The following LRP1B variants were observed in gnomAD, a reference collection of about 807,000 sequenced individuals.
The protein encoded by LRP1B is low-density lipoprotein receptor-related protein 1B.
A neutral mutation model predicts 556.6 loss-of-function variants in LRP1B; 217 were observed. The ratio of observed to expected loss-of-function variants is 0.39; its 90% CI spans 0.35 to 0.44. LRP1B has a LOEUF of 0.44. Among genes scored for constraint, LRP1B ranks in the 20% least tolerant of loss-of-function variants. The probability of loss-of-function intolerance (pLI) is 1.00; values close to 1 mark genes in which losing one functional copy is unlikely to be tolerated. For synonymous variants in LRP1B, 2,047 were observed against 1,865.8 expected, an observed-to-expected ratio of 1.10 and a Z score of -2.50; for missense variants, 5,053 against 5,620.8, an observed-to-expected ratio of 0.90 and a Z score of 3.23.
intron 1 of LRP1B, among the ~76,000 whole-genome samples, chr2:141,821,773 G>A (rs1696759645): frequency 2.6e-5 from 4 of 151,950 alleles, no homozygotes; most frequent in Admixed American, 2.6e-4. Context: ...AAGTGTTTTT[G>A]GAGCTGCAGA....
intron 2 of LRP1B, among the ~76,000 whole-genome samples, chr2:141,593,724 CAAAAAAAAAAAAAAAA>C (rs1175750978): frequency 7.6e-6 from 1 of 130,808 alleles, no homozygotes; most frequent in African/African-American, 3.8e-5. Context: ...GACTCCGTCT[CAAAAAAAAAAAAAAAA>C]AAAAAAAAAA....
chr2:141,411,127 C>G (rs1308718470), intron 3 of LRP1B, among the ~76,000 whole-genome samples: 2 of 151,852 alleles, frequency 1.3e-5, no homozygotes, highest in Admixed American at 1.3e-4. Context: ...GATAAGGAAA[C>G]AGAAGATGAA....
chr2:140,559,918 C>T (rs1680869133), intron 43 of LRP1B, among the ~76,000 whole-genome samples: 1 of 151,948 alleles, frequency 6.6e-6, no homozygotes, highest in Admixed American at 6.6e-5. Context: ...GAAACAAATG[C>T]TAAAATTAGT....
chr2:140,694,849 A>G (rs538970403), intron 41 of LRP1B, among the ~76,000 whole-genome samples: 9 of 152,200 alleles, frequency 5.9e-5, no homozygotes, highest in African/African-American at 1.4e-4. Flanking sequence ...TATTTTATCA[A>G]TAAAGATTAC....
chr2:140,611,294 C>G (rs1034967908), intron 41 of LRP1B, among the ~76,000 whole-genome samples: 11 of 152,100 alleles, frequency 7.2e-5, no homozygotes, highest in Non-Finnish European at 1.6e-4. Context: ...CTTACACTGT[C>G]TTTAAATTTT....
intron 1 of LRP1B, among the ~76,000 whole-genome samples, chr2:142,058,219 C>T (rs1704751854): frequency 6.6e-6 from 1 of 152,154 alleles, no homozygotes; most frequent in Non-Finnish European, 1.5e-5. Context: ...TTCTGCCCCA[C>T]TGATGAAGAC....
chr2:141,918,168 T>C (rs1700087806), intron 1 of LRP1B, among the ~76,000 whole-genome samples: 1 of 151,930 alleles, frequency 6.6e-6, no homozygotes, highest in Admixed American at 6.6e-5. Context: ...GAGTGAAAGA[T>C]ATGGTAGGAT....
intron 7 of LRP1B, among the ~76,000 whole-genome samples, chr2:141,116,715 A>G (rs559397734): frequency 2.4e-5 from 3 of 126,298 alleles, no homozygotes; most frequent in South Asian, 5.9e-4. Context: ...ACAGGCAGGA[A>G]CAGATCTGAA....
chr2:141,422,367 A>G (rs1282408277), intron 3 of LRP1B, among the ~76,000 whole-genome samples: 1 of 152,158 alleles, frequency 6.6e-6, no homozygotes, highest in African/African-American at 2.4e-5. Flanking sequence ...AACCAAAACC[A>G]TAAGTCAATA....
intron 47 of LRP1B, among the ~76,000 whole-genome samples, chr2:140,531,974 T>C (rs372066791): frequency 2.3e-4 from 35 of 152,228 alleles, no homozygotes; most frequent in African/African-American, 7.5e-4. Flanking sequence ...TTTGATGCAC[T>C]CTACTCATGC....
intron 3 of LRP1B, among the ~76,000 whole-genome samples, chr2:141,452,985 C>T (rs1164468169): frequency 6.6e-6 from 1 of 152,122 alleles, no homozygotes; most frequent in African/African-American, 2.4e-5. Context: ...CCTGTAATCC[C>T]AGCACTCTGG....
chr2:141,102,247 A>G (rs1700479425), intron 7 of LRP1B, among the ~76,000 whole-genome samples: 1 of 152,092 alleles, frequency 6.6e-6, no homozygotes, highest in African/African-American at 2.4e-5. Flanking sequence ...TACTTTGTAA[A>G]TCTCATATAA....
chr2:141,655,621 G>T (rs185867427), intron 2 of LRP1B, among the ~76,000 whole-genome samples: 2 of 152,118 alleles, frequency 1.3e-5, no homozygotes, highest in South Asian at 2.1e-4. Flanking sequence ...TATTAATGGG[G>T]TTATTGCTAC....
rs114912327 is a variant in LRP1B at position 140,697,560 on chromosome 2, G to A, written c.6799+2690C>T. 5.9e-3 allele frequency among the ~76,000 whole-genome samples: 892 copies of A among 151,934 alleles called. 8 individuals are homozygous for A. Among genetic ancestry groups the A allele is most frequent in the Non-Finnish European group, 9.6e-3 (655 of 67,936 alleles). On this transcript the variant is annotated intron_variant, in intron 41 of 90. Transcript: ENST00000389484. ...CCAAGTGTCCTTAAACAAATGACTGGATAAAAATATGTGGTATGTACATAC... is the reference window on the plus strand; with the variant it reads ...CCAAGTGTCCTTAAACAAATGACTGAATAAAAATATGTGGTATGTACATAC...
At chr2:140,264,625 G>T (rs1438921455) in intron 86 of LRP1B, among the ~76,000 whole-genome samples, 1 of 151,798 alleles carries the variant, frequency 6.6e-6, no homozygotes, top group African/African-American at 2.4e-5. Flanking sequence ...CTGGGTATCA[G>T]GTCTTCAACA....
At chr2:141,135,653 T>G (rs765131529) in intron 7 of LRP1B, among the ~76,000 whole-genome samples, 2 of 151,956 alleles carry the variant, frequency 1.3e-5, no homozygotes, top group Admixed American at 6.6e-5. Context: ...TGAGTTAAAC[T>G]AGAAATATAT....
At chr2:141,031,466 A>G (rs1310335256) in intron 11 of LRP1B, among the ~76,000 whole-genome samples, 1 of 152,018 alleles carries the variant, frequency 6.6e-6, no homozygotes, top group Non-Finnish European at 1.5e-5. Context: ...GCCAATGATT[A>G]GATAAAATTT....
Position 140,918,100 on chromosome 2 carries a change from A to G in LRP1B, c.3319+4865T>C, listed in dbSNP as rs1258927408. 3.3e-5 allele frequency among the ~76,000 whole-genome samples: 5 copies of G among 151,824 alleles called. No individual in the cohort carries two copies. The South Asian group carries it at 1.0e-3, about 31-fold the overall frequency. On this transcript the variant is annotated intron_variant, in intron 21 of 90. Coordinates refer to ENST00000389484, the MANE Select transcript of LRP1B (RefSeq NM_018557.3). ...TTCTAAATATTTAAATATATGTATG[A>G]TTTCTTAGTTAATCCAGATTATTTT... is the stretch of plus-strand genomic sequence containing the variant.
intron 3 of LRP1B, among the ~76,000 whole-genome samples, chr2:141,440,227 C>T (rs1680911928): frequency 6.6e-6 from 1 of 152,206 alleles, no homozygotes; most frequent in Non-Finnish European, 1.5e-5. Flanking sequence ...TTGCGCCCAG[C>T]CCGGCCCTCC....
Sources: gnomAD v4.1 joint callset for allele counts (sites outside exome capture counted in the v4.1 genomes callset) on GRCh38, gnomAD v4.1.1 for gene constraint, MANE v1.5 for transcripts, NCBI Gene and HGNC (gene_info 2026-07-23, HGNC 2026-07-21) for gene names.